CSMD1: variants seen among roughly 807,000 people sequenced by gnomAD.
CSMD1 encodes the protein CUB and Sushi multiple domains 1.
A neutral mutation model predicts 417.5 loss-of-function variants in CSMD1; 213 were observed. That is an observed-to-expected ratio of 0.51 (90% CI 0.46 to 0.57). The LOEUF is 0.57. Ranked by LOEUF, CSMD1 falls within the 20% of genes least tolerant of loss-of-function variation. The probability of loss-of-function intolerance (pLI) is 0.00; values close to 1 mark genes in which losing one functional copy is unlikely to be tolerated. For synonymous variants in CSMD1, 2,862 were observed against 1,736.8 expected (o/e 1.65, Z -16.11); for missense variants, 6,923 against 4,529.7 (o/e 1.53, Z -15.17).
At chr8:3,125,302 C>T (rs1817437852) in intron 41 of CSMD1, among the ~76,000 whole-genome samples, 1 of 152,324 alleles carries the variant, frequency 6.6e-6, no homozygotes, top group Non-Finnish European at 1.5e-5. Flanking sequence ...TGCAATGCAT[C>T]ACAGTGCCAG....
At chr8:4,980,858 C>T (rs899178095) in intron 1 of CSMD1, among the ~76,000 whole-genome samples, 4 of 151,732 alleles carry the variant, frequency 2.6e-5, no homozygotes, top group Non-Finnish European at 4.4e-5. Context: ...GAGCGAAGAT[C>T]GCACCACTGC....
At chr8:4,861,200 C>A (rs1035855720) in intron 1 of CSMD1, among the ~76,000 whole-genome samples, 1 of 152,094 alleles carries the variant, frequency 6.6e-6, no homozygotes, top group East Asian at 1.9e-4. Context: ...ATCTCAGAGA[C>A]CTGCTCTAAT....
chr8:4,111,070 A>G (rs903454578), intron 3 of CSMD1, among the ~76,000 whole-genome samples: 3 of 152,164 alleles, frequency 2.0e-5, no homozygotes, highest in Non-Finnish European at 2.9e-5. Flanking sequence ...GCATGGAAAA[A>G]TCTGGTAGAA....
intron 2 of CSMD1, among the ~76,000 whole-genome samples, chr8:4,527,808 G>A (rs1526339): frequency 0.35 from 53,378 of 152,048 alleles, 10,594 homozygotes; most frequent in Non-Finnish European, 0.45. Flanking sequence ...AAAGTCTAAT[G>A]CAGAAGTTAG....
intron 9 of CSMD1, among the ~76,000 whole-genome samples, chr8:3,581,096 G>A (rs777420730): frequency 6.6e-6 from 1 of 152,062 alleles, no homozygotes; most frequent in Admixed American, 6.6e-5. Flanking sequence ...TAACTCTACA[G>A]ATCAAAGTGC....
intron 3 of CSMD1, among the ~76,000 whole-genome samples, chr8:4,106,391 A>T (rs1428019079): frequency 1.3e-5 from 2 of 152,206 alleles, no homozygotes; most frequent in African/African-American, 2.4e-5. Context: ...TGCATAATTG[A>T]TCTGGTAAAT....
chr8:3,192,677 C>A (rs986792290), intron 33 of CSMD1, among the ~76,000 whole-genome samples: 2 of 152,102 alleles, frequency 1.3e-5, no homozygotes. Flanking sequence ...AATACAAATA[C>A]AATATTTTAA....
intron 60 of CSMD1, 40 bp downstream of exon 60, chr8:2,963,182 G>T (rs766026035): frequency 3.1e-6 from 5 of 1,605,338 alleles, no homozygotes; most frequent in South Asian, 1.1e-5. Context: ...CCCTGTTGCA[G>T]ACCTGCAGTG....
chr8:4,340,172 T>A (rs1202200371), intron 3 of CSMD1, among the ~76,000 whole-genome samples: 1 of 152,126 alleles, frequency 6.6e-6, no homozygotes, highest in African/African-American at 2.4e-5. Flanking sequence ...TTGATACCTT[T>A]TTTTTCTGAT....
At chr8:4,847,950 C>A (rs1186152933) in intron 1 of CSMD1, among the ~76,000 whole-genome samples, 2 of 152,218 alleles carry the variant, frequency 1.3e-5, no homozygotes, top group Non-Finnish European at 2.9e-5. Flanking sequence ...GCAAGCACCA[C>A]CCCCCATCCC....
At chr8:4,984,088 T>G (rs1291233768) in intron 1 of CSMD1, among the ~76,000 whole-genome samples, 1 of 152,192 alleles carries the variant, frequency 6.6e-6, no homozygotes, top group African/African-American at 2.4e-5. Context: ...GCATGTACAG[T>G]ACTTAAGAAA....
intron 7 of CSMD1, among the ~76,000 whole-genome samples, chr8:3,644,117 C>T (rs1438977570): frequency 6.6e-6 from 1 of 152,320 alleles, no homozygotes; most frequent in East Asian, 1.9e-4. Context: ...ATCACCATCA[C>T]CTGGGAAGTT....
At chr8:3,686,186 G>A (rs1196056046) in intron 7 of CSMD1, among the ~76,000 whole-genome samples, 2 of 152,098 alleles carry the variant, frequency 1.3e-5, no homozygotes, top group East Asian at 1.9e-4. Context: ...TTAAGCTTGG[G>A]CTTGTTTCTG....
At position 3,188,941 on chromosome 8, in the gene CSMD1, T is replaced by A; in HGVS notation, c.5469A>T (p.Gly1823=). 1.2e-6 allele frequency: 2 copies of A among 1,611,914 alleles called. No individual in the cohort carries two copies. The highest frequency in any genetic ancestry group is 1.3e-5 in the African/African-American group (1 of 75,018). Residue 1823 remains glycine (G), a synonymous_variant, in exon 35 of 70, where the codon GGA becomes GGT. Transcript: ENST00000635120. The stretch of plus-strand genomic sequence containing the variant: ...TCTTCCATATACAGTTCAAGTTGTT[T>A]CCGTATGGCTCAGGGTAGCCGGGGG... ...ILSPGYPEPY[G]NNLNCIWKII... is the part of the protein sequence containing the mutation.
chr8:4,208,452 A>G (rs1249904889), intron 3 of CSMD1, among the ~76,000 whole-genome samples: 2 of 152,204 alleles, frequency 1.3e-5, no homozygotes, highest in African/African-American at 2.4e-5. Flanking sequence ...TTCTTTGGCT[A>G]TAAAAAATTG....
chr8:3,572,993 G>C (rs909016437), intron 10 of CSMD1, among the ~76,000 whole-genome samples: 6 of 151,014 alleles, frequency 4.0e-5, no homozygotes, highest in Non-Finnish European at 8.8e-5. Context: ...CAATAAACTA[G>C]TTATATACTA....
At position 3,321,038 on chromosome 8, in the gene CSMD1, C is replaced by T. The variant is rs551182599; in HGVS notation, c.3632-12535G>A. The stretch of plus-strand genomic sequence containing the variant: ...GGCCTCGCTTTTGTATTTCCCAGTT[C>T]ATCTGAAAGACACGCAACTCTCAAT... On this transcript the variant is annotated intron_variant, in intron 23 of 69. Coordinates refer to ENST00000635120, the MANE Select transcript of CSMD1 (RefSeq NM_033225.6). 1.7e-3 allele frequency among the ~76,000 whole-genome samples: 262 copies of T among 152,286 alleles called. 1 individual carries two copies. Among genetic ancestry groups the T allele is most frequent in the Non-Finnish European group, 3.0e-3 (207 of 68,030 alleles).
chr8:4,684,804 G>T (rs1034998939), intron 1 of CSMD1, among the ~76,000 whole-genome samples: 1 of 152,100 alleles, frequency 6.6e-6, no homozygotes, highest in Non-Finnish European at 1.5e-5. Context: ...ATTGAGAACA[G>T]TAAGTAAAAA....
chr8:4,428,239 C>A (rs974637083), intron 2 of CSMD1, among the ~76,000 whole-genome samples: 1 of 152,188 alleles, frequency 6.6e-6, no homozygotes, highest in Non-Finnish European at 1.5e-5. Flanking sequence ...AAACACAAGA[C>A]AACTAGGAGA....
Sources: gnomAD v4.1 joint callset for allele counts (sites outside exome capture counted in the v4.1 genomes callset) on GRCh38, gnomAD v4.1.1 for gene constraint, MANE v1.5 for transcripts, NCBI Gene and HGNC (gene_info 2026-07-23, HGNC 2026-07-21) for gene names.